Variants in UVRAG observed in about 807,000 individuals in gnomAD.
The protein encoded by UVRAG is UV radiation resistance-associated gene protein.
A neutral mutation model predicts 78.0 loss-of-function variants in UVRAG; 19 were observed. The ratio of observed to expected loss-of-function variants is 0.24; its 90% CI spans 0.17 to 0.36. The LOEUF is 0.36. Ranked by LOEUF, UVRAG falls within the 10% of genes least tolerant of loss-of-function variation. The pLI is 1.00. For missense variants in UVRAG, 740 were observed against 853.8 expected, an observed-to-expected ratio of 0.87 and a Z score of 1.66; for synonymous variants, 323 against 324.6, an observed-to-expected ratio of 1.00 and a Z score of 0.05.
intron 3 of UVRAG, among the ~76,000 whole-genome samples, chr11:75,879,073 C>T (rs557997406): frequency 6.6e-6 from 1 of 152,208 alleles, no homozygotes; most frequent in Admixed American, 6.5e-5. Context: ...CTGGACGGTT[C>T]TCTTAATGAG....
intron 14 of UVRAG, among the ~76,000 whole-genome samples, chr11:76,127,858 G>A (rs1952438774): frequency 6.6e-6 from 1 of 151,536 alleles, no homozygotes; most frequent in Non-Finnish European, 1.5e-5. Context: ...TTGGGAGGCT[G>A]AGGCACAAGA....
chr11:76,088,769 T>C (rs981278424), intron 13 of UVRAG, among the ~76,000 whole-genome samples: 4 of 152,222 alleles, frequency 2.6e-5, no homozygotes, highest in Non-Finnish European at 4.4e-5. Flanking sequence ...ACTTCTCTTC[T>C]GTGAAGCCTT....
At position 75,822,668 on chromosome 11, in the gene UVRAG, T is replaced by G. The variant is rs189202660; in HGVS notation, c.117+7144T>G. On this transcript the variant is annotated intron_variant, in intron 1 of 14. Coordinates refer to ENST00000356136, the MANE Select transcript of UVRAG (RefSeq NM_003369.4). Reference sequence around the variant, plus strand: ...GCACCTTGCTTGCACTTACTGTTTTTTTTTTTTTTTTAAATAAACAATATT... The same window carrying G: ...GCACCTTGCTTGCACTTACTGTTTTGTTTTTTTTTTTAAATAAACAATATT... Among the ~76,000 whole-genome samples, 214 of 149,752 alleles carry G rather than the reference T, an allele frequency of 1.4e-3. 3 individuals are homozygous for G. The highest frequency in any genetic ancestry group is 5.1e-3 in the African/African-American group (199 of 39,272).
At chr11:76,108,436 G>A (rs752190243) in intron 13 of UVRAG, among the ~76,000 whole-genome samples, 1 of 152,172 alleles carries the variant, frequency 6.6e-6, no homozygotes, top group African/African-American at 2.4e-5. Context: ...GATCTCCAGA[G>A]CTGCAAGTGG....
intron 12 of UVRAG, among the ~76,000 whole-genome samples, chr11:76,064,099 A>C (rs568153874): frequency 6.6e-6 from 1 of 152,326 alleles, no homozygotes; most frequent in South Asian, 2.1e-4. Context: ...ATAAAGTCAA[A>C]TGTTGTGAAA....
intron 1 of UVRAG, among the ~76,000 whole-genome samples, chr11:75,844,290 C>T (rs1945986028): frequency 6.6e-6 from 1 of 151,734 alleles, no homozygotes; most frequent in African/African-American, 2.4e-5. Flanking sequence ...TGCAGTGGCA[C>T]TATCTCGGCT....
chr11:76,051,265 T>TC (rs1235027662), intron 12 of UVRAG, among the ~76,000 whole-genome samples: 1 of 152,090 alleles, frequency 6.6e-6, no homozygotes, highest in Non-Finnish European at 1.5e-5. Flanking sequence ...TTTTTTTTTT[T>TC]CTTAACATTT....
At chr11:76,128,386 A>G (rs1468327863) in intron 14 of UVRAG, among the ~76,000 whole-genome samples, 1 of 152,220 alleles carries the variant, frequency 6.6e-6, no homozygotes. Context: ...ATTGTCTTCC[A>G]TGAAACCGGT....
intron 6 of UVRAG, among the ~76,000 whole-genome samples, chr11:75,943,919 C>T (rs1421506105): frequency 6.6e-6 from 1 of 152,116 alleles, no homozygotes; most frequent in Non-Finnish European, 1.5e-5. Flanking sequence ...GGGAAACTAT[C>T]ATATTTAATA....
rs555778300 is a variant in UVRAG at position 75,829,874 on chromosome 11, CTG to C, written c.117+14352_117+14353del. Among the ~76,000 whole-genome samples, 11 of 152,342 alleles carry C rather than the reference CTG, an allele frequency of 7.2e-5. No homozygotes were observed. In the South Asian group the frequency reaches 2.3e-3, roughly 32 times the overall value. On this transcript the variant is annotated intron_variant, in intron 1 of 14. Coordinates refer to ENST00000356136, the MANE Select transcript of UVRAG (RefSeq NM_003369.4). ...TACTTTTTTGAGACGAAGTCTCACT[CTG>C]TTGCCCAGTCTGGAGTGCAGTGGCA...
chr11:76,030,194 A>ATTTATT (rs1255056140), intron 12 of UVRAG, among the ~76,000 whole-genome samples: 2 of 151,764 alleles, frequency 1.3e-5, no homozygotes, highest in Admixed American at 6.6e-5. Flanking sequence ...TACTCACTTT[A>ATTTATT]TTTATTTTTA....
chr11:75,968,250 G>A (rs1298817527), intron 7 of UVRAG, among the ~76,000 whole-genome samples: 1 of 152,144 alleles, frequency 6.6e-6, no homozygotes, highest in Admixed American at 6.5e-5. Context: ...AGGAATGTGT[G>A]TATCTGTGAT....
intron 5 of UVRAG, among the ~76,000 whole-genome samples, chr11:75,895,150 G>T (rs574704694): frequency 6.6e-6 from 1 of 152,162 alleles, no homozygotes; most frequent in African/African-American, 2.4e-5. Flanking sequence ...TTTTAAAGCA[G>T]CTTTCAATAA....
intron 6 of UVRAG, 104 bp from the exon 7 acceptor site, chr11:75,961,340 C>A: frequency 1.3e-6 from 1 of 797,240 alleles, no homozygotes; most frequent in Non-Finnish European, 2.0e-6. Context: ...CAATTGAGTT[C>A]ATTATTAATT....
chr11:75,904,357 C>A (rs1216793783), intron 5 of UVRAG, among the ~76,000 whole-genome samples: 1 of 152,186 alleles, frequency 6.6e-6, no homozygotes, highest in Non-Finnish European at 1.5e-5. Context: ...CTTCTGGGCT[C>A]TTTGGCACTT....
At chr11:75,875,677 T>C (rs1293973142) in intron 3 of UVRAG, among the ~76,000 whole-genome samples, 1 of 151,908 alleles carries the variant, frequency 6.6e-6, no homozygotes, top group Non-Finnish European at 1.5e-5. Flanking sequence ...AATTTCTTCT[T>C]CCAAGGAAGG....
chr11:75,996,793 A>G (rs1279966994), intron 8 of UVRAG, among the ~76,000 whole-genome samples: 1 of 152,186 alleles, frequency 6.6e-6, no homozygotes, highest in African/African-American at 2.4e-5. Flanking sequence ...TTCAACCTAG[A>G]TCTTTCTGAT....
rs1169401551 is a variant in UVRAG, at chr11:75,951,367, T to A, written c.594-10077T>A. Among the ~76,000 whole-genome samples the A allele has an allele frequency of 2.0e-5, 3 of 149,012 alleles. No individual in the cohort carries two copies. The South Asian group carries it at 6.3e-4, about 31-fold the overall frequency. ...TGTGTGTGTGTGTGTGTGTATATAT[T>A]TTTTGTTTGTTTGTTTGTTTGTTTG... On this transcript the variant is annotated intron_variant, in intron 6 of 14. Coordinates refer to ENST00000356136, the MANE Select transcript of UVRAG (RefSeq NM_003369.4).
At chr11:76,074,659 G>A (rs553049014) in intron 13 of UVRAG, among the ~76,000 whole-genome samples, 38 of 152,192 alleles carry the variant, frequency 2.5e-4, no homozygotes, top group African/African-American at 8.9e-4. Context: ...GATTTCCTGG[G>A]GATGACAAAG....
Sources: gnomAD v4.1 joint callset for allele counts (sites outside exome capture counted in the v4.1 genomes callset) on GRCh38, gnomAD v4.1.1 for gene constraint, MANE v1.5 for transcripts, NCBI Gene and HGNC (gene_info 2026-07-23, HGNC 2026-07-21) for gene names.